Variants in GVQW3 observed in about 807,000 individuals in gnomAD.
GVQW3 encodes the protein protein GVQW3.
In GVQW3, 7 loss-of-function variants were observed where a neutral mutation model predicts 12.5. The ratio of observed to expected loss-of-function variants is 0.56; its 90% CI spans 0.32 to 1.05. The LOEUF (loss-of-function observed/expected upper bound fraction) is 1.05, where lower values mean the gene tolerates loss of function less well. Ranked by LOEUF, GVQW3 falls within the 50% of genes least tolerant of loss-of-function variation. The probability of loss-of-function intolerance (pLI) is 0.04; values close to 1 mark genes in which losing one functional copy is unlikely to be tolerated. For missense variants in GVQW3, 188 were observed against 190.8 expected (o/e 0.99, Z 0.09); for synonymous variants, 71 against 67.2 (o/e 1.06, Z -0.28).
chr11:76,408,768 G>C (rs1258515384), downstream of GVQW3: 1 of 152,210 alleles, frequency 6.6e-6, no homozygotes, highest in East Asian at 1.9e-4. Flanking sequence ...GATTTACATT[G>C]GCAGGAAATG....
In GVQW3 at chr11:76,404,807, A is replaced by G. The variant is rs1947023779; in HGVS notation, c.*1049A>G. ...ACTGGGGGCGCCTCTTGCCCTGTGC[A>G]TCTTGCACAAAGCCTGGTCCTGAGT... is the stretch of plus-strand genomic sequence containing the variant. On this transcript the variant is annotated 3_prime_UTR_variant, in exon 2 of 2. Transcript: ENST00000529331. The G allele has an allele frequency of 6.6e-6, 1 of 152,306 alleles. No homozygotes were observed. The highest frequency in any genetic ancestry group is 1.9e-4 in the East Asian group (1 of 5,196). The allele number at this position is 152,306 out of a possible 1,614,324, so 9.4% of individuals were successfully genotyped here.
rs1364858761 is a variant in GVQW3, at chr11:76,381,757, TAAAG to T, written c.-70_-67del. On this transcript the variant is annotated 5_prime_UTR_variant, in exon 1 of 2. It removes the in-frame stop codon of an upstream open reading frame in the 5' UTR. Coordinates refer to ENST00000529331, the MANE Select transcript of GVQW3 (RefSeq NM_001347885.2). Reference sequence around the variant, plus strand: ...CGATATGATTACACCTGCAGCCCTATAAAGATTGATCTGTCCGTCTTTCCCTTAC... The same window carrying T: ...CGATATGATTACACCTGCAGCCCTATATTGATCTGTCCGTCTTTCCCTTAC... 4 of 1,336,612 alleles carry T rather than the reference TAAAG, an allele frequency of 3.0e-6. No homozygotes were observed. In the African/African-American group the frequency reaches 4.4e-5, roughly 15 times the overall value. 82.8% of individuals were successfully genotyped at this position (1,336,612 alleles called of 1,614,324 possible). A position where few individuals can be genotyped will look rare whatever the true frequency, so the allele number is the denominator to read the frequency against.
chr11:76,384,488 A>G (rs1291049609), intron 1 of GVQW3, among the ~76,000 whole-genome samples: 2 of 152,038 alleles, frequency 1.3e-5, no homozygotes, highest in African/African-American at 4.8e-5. Context: ...ACACCCGGCT[A>G]TTTTTTGTAT....
At chr11:76,392,749 C>T (rs549889031) in intron 1 of GVQW3, 1 of 152,330 alleles carries the variant, frequency 6.6e-6, no homozygotes, top group East Asian at 1.9e-4. Flanking sequence ...CCTGGTCCTT[C>T]CAGAGGTGCG....
In GVQW3 at chr11:76,381,588, G is replaced by C. The variant is rs777498726; in HGVS notation, c.-241G>C. Reference sequence around the variant, plus strand: ...GCACTGGTTTGATGCAGACGTGGTTGTAGGCGATTTAATTTTTCCCAGCTT... The same window carrying C: ...GCACTGGTTTGATGCAGACGTGGTTCTAGGCGATTTAATTTTTCCCAGCTT... On this transcript the variant is annotated 5_prime_UTR_variant, in exon 1 of 2. Coordinates refer to ENST00000529331, the MANE Select transcript of GVQW3 (RefSeq NM_001347885.2). The C allele has an allele frequency of 2.2e-6, 1 of 461,286 alleles. No individual in the cohort carries two copies. Among genetic ancestry groups the C allele is most frequent in the Non-Finnish European group, 3.8e-6 (1 of 260,576 alleles). 28.6% of individuals were successfully genotyped at this position (461,286 alleles called of 1,614,324 possible).
At position 76,403,981 on chromosome 11, in the gene GVQW3, G is replaced by A. The variant is rs150948811; in HGVS notation, c.*223G>A. 93 of 677,182 alleles carry A rather than the reference G, an allele frequency of 1.4e-4. No homozygotes were observed. The East Asian group carries it at 2.3e-3, about 17-fold the overall frequency. 41.9% of individuals were successfully genotyped at this position (677,182 alleles called of 1,614,324 possible). On this transcript the variant is annotated 3_prime_UTR_variant, in exon 2 of 2. Coordinates refer to ENST00000529331, the MANE Select transcript of GVQW3 (RefSeq NM_001347885.2). ...AGGGAGGGCTGCCTCTTCATTACTC[G>A]GTCTACCAATTCAAATGCTAATCTC...
chr11:76,396,758 T>A (rs1020468794), intron 1 of GVQW3, among the ~76,000 whole-genome samples: 2 of 152,178 alleles, frequency 1.3e-5, no homozygotes, highest in Non-Finnish European at 2.9e-5. Context: ...TGTAGAACCA[T>A]CACCACTAAT....
chr11:76,403,249 G>C (rs1274529527), intron 1 of GVQW3, among the ~76,000 whole-genome samples: 1 of 152,020 alleles, frequency 6.6e-6, no homozygotes, highest in Non-Finnish European at 1.5e-5. Flanking sequence ...CCCGGCCTTG[G>C]AGGTAGACAT....
At chr11:76,385,889 G>T (rs1315075695) in intron 1 of GVQW3, among the ~76,000 whole-genome samples, 3 of 152,168 alleles carry the variant, frequency 2.0e-5, no homozygotes, top group African/African-American at 7.2e-5. Context: ...ACCTCTAGTA[G>T]CAAGAGTCAT....
intron 1 of GVQW3, among the ~76,000 whole-genome samples, chr11:76,400,217 A>G (rs1309814043): frequency 6.6e-6 from 1 of 151,310 alleles, no homozygotes; most frequent in Non-Finnish European, 1.5e-5. Flanking sequence ...GGTTCAAGCA[A>G]TTCTCCTGTC....
rs752863524 is a variant in GVQW3 at position 76,404,118 on chromosome 11, GTTTA to G, written c.*369_*372del. 1.9e-5 allele frequency: 9 copies of G among 465,328 alleles called. No individual in the cohort carries two copies. The highest frequency in any genetic ancestry group is 2.9e-4 in the Middle Eastern group (1 of 3,438). The allele number at this position is 465,328 out of a possible 1,614,324, so 28.8% of individuals were successfully genotyped here. On this transcript the variant is annotated 3_prime_UTR_variant, in exon 2 of 2. Transcript: ENST00000529331. ...AAATTGGCTGTCACATCTCCATTTTGTTTATTTATTTACTTATTTATTTTAGACT... is the reference window on the plus strand; with the variant it reads ...AAATTGGCTGTCACATCTCCATTTTGTTTATTTACTTATTTATTTTAGACT...
chr11:76,390,535 G>A (rs1341832951), intron 1 of GVQW3, among the ~76,000 whole-genome samples: 1 of 152,202 alleles, frequency 6.6e-6, no homozygotes, highest in East Asian at 1.9e-4. Context: ...AGACAGACAA[G>A]AAATAAGATA....
intron 1 of GVQW3, among the ~76,000 whole-genome samples, chr11:76,402,030 G>A (rs1946994725): frequency 6.6e-6 from 1 of 152,036 alleles, no homozygotes; most frequent in African/African-American, 2.4e-5. Flanking sequence ...TCCAATCTCA[G>A]GGCTTTATCT....
chr11:76,387,063 CT>C (rs1316791530), intron 1 of GVQW3, among the ~76,000 whole-genome samples: 1 of 152,084 alleles, frequency 6.6e-6, no homozygotes, highest in Admixed American at 6.6e-5. Flanking sequence ...TCCAATAAAA[CT>C]TTATAAATGG....
intron 1 of GVQW3, among the ~76,000 whole-genome samples, chr11:76,390,897 C>A (rs944690660): frequency 6.6e-6 from 1 of 151,646 alleles, no homozygotes; most frequent in Non-Finnish European, 1.5e-5. Flanking sequence ...GTGAGGCTTA[C>A]ATTAAACAGT....
intron 1 of GVQW3, among the ~76,000 whole-genome samples, chr11:76,402,850 C>T (rs1477897507): frequency 6.6e-6 from 1 of 152,080 alleles, no homozygotes; most frequent in African/African-American, 2.4e-5. Flanking sequence ...AGGCACACAC[C>T]ACCACACCCG....
intron 1 of GVQW3, among the ~76,000 whole-genome samples, chr11:76,401,917 T>G (rs1189642309): frequency 6.6e-6 from 1 of 152,184 alleles, no homozygotes; most frequent in Non-Finnish European, 1.5e-5. Flanking sequence ...AAATGCTATT[T>G]ATTACCCCAC....
Position 76,382,527 on chromosome 11 carries a change from G to A in GVQW3, c.465+234G>A, listed in dbSNP as rs773645540. On this transcript the variant is annotated intron_variant, in intron 1 of 1. Coordinates refer to ENST00000529331, the MANE Select transcript of GVQW3 (RefSeq NM_001347885.2). ...TCACTGTTAGGCACCTTCTTTGGCT[G>A]CTCACGTATTTTTCAGTCTTCACCA... 1.5e-4 allele frequency: 91 copies of A among 606,020 alleles called. No homozygotes were observed. In the Middle Eastern group the frequency reaches 2.1e-3, roughly 14 times the overall value. The allele number at this position is 606,020 out of a possible 1,614,324, so 37.5% of individuals were successfully genotyped here.
At chr11:76,394,102 T>G (rs543942375) in intron 1 of GVQW3, among the ~76,000 whole-genome samples, 2 of 152,296 alleles carry the variant, frequency 1.3e-5, no homozygotes, top group Admixed American at 1.3e-4. Flanking sequence ...TTTCACCATG[T>G]TGACCAGGCT....
Sources: gnomAD v4.1 joint callset for allele counts (sites outside exome capture counted in the v4.1 genomes callset) on GRCh38, gnomAD v4.1.1 for gene constraint, MANE v1.5 for transcripts, NCBI Gene and HGNC (gene_info 2026-07-23, HGNC 2026-07-21) for gene names.